Variants in AFG1L observed in about 807,000 individuals in gnomAD.
The protein encoded by AFG1L is AFG1-like ATPase.
A neutral mutation model predicts 62.2 loss-of-function variants in AFG1L; 53 were observed. That is an observed-to-expected ratio of 0.85 (90% CI 0.68 to 1.07). AFG1L has a LOEUF of 1.07. Ranked by LOEUF, AFG1L falls within the 50% of genes least tolerant of loss-of-function variation. The pLI, the probability that AFG1L is intolerant of heterozygous loss-of-function variation, is 0.00. For synonymous variants in AFG1L, 228 were observed against 210.3 expected (o/e 1.08, Z -0.73); for missense variants, 555 against 590.5 (o/e 0.94, Z 0.62).
At chr6:108,421,537 T>C (rs1480551495) in intron 7 of AFG1L, among the ~76,000 whole-genome samples, 1 of 152,148 alleles carries the variant, frequency 6.6e-6, no homozygotes, top group African/African-American at 2.4e-5. Context: ...TCCTTTGATG[T>C]AGGAAGAGTC....
At chr6:108,360,730 A>T (rs2114478159) in intron 5 of AFG1L, among the ~76,000 whole-genome samples, 1 of 152,262 alleles carries the variant, frequency 6.6e-6, no homozygotes, top group East Asian at 1.9e-4. Flanking sequence ...TGCTAGTTTC[A>T]GTATCCTGAA....
Position 108,366,320 on chromosome 6 carries a change from A to G in AFG1L, c.736A>G (p.Arg246Gly). The G allele has an allele frequency of 6.2e-7, 1 of 1,609,994 alleles. No individual in the cohort carries two copies. The highest frequency in any genetic ancestry group is 1.7e-5 in the Admixed American group (1 of 59,912). ...NGVVVVATSN[R>G]PPEDLYKNGL... ...GGTCGTCGTTGTGGCAACATCCAACAGGCCACCGGAAGGTAAAAACAAACA... is the reference window on the plus strand; with the variant it reads ...GGTCGTCGTTGTGGCAACATCCAACGGGCCACCGGAAGGTAAAAACAAACA... Residue 246 changes from arginine to glycine, a missense_variant, in exon 6 of 13, where the codon AGG becomes GGG. By Grantham distance (125) the Arg-to-Gly change is moderately radical. Coordinates refer to ENST00000368977, the MANE Select transcript of AFG1L (RefSeq NM_145315.5).
intron 8 of AFG1L, among the ~76,000 whole-genome samples, chr6:108,448,707 T>G (rs1400268221): frequency 6.6e-6 from 1 of 152,110 alleles, no homozygotes; most frequent in Non-Finnish European, 1.5e-5. Context: ...CTTTTCCTGA[T>G]AAAAGTAATA....
At chr6:108,450,066 G>A (rs529541405) in intron 8 of AFG1L, among the ~76,000 whole-genome samples, 46 of 152,196 alleles carry the variant, frequency 3.0e-4, no homozygotes, top group Non-Finnish European at 6.5e-4. Context: ...AAACATACGT[G>A]TGCATGTGTC....
chr6:108,370,123 A>C (rs1428495262), intron 6 of AFG1L, among the ~76,000 whole-genome samples: 1 of 43,024 alleles, frequency 2.3e-5, no homozygotes, highest in Non-Finnish European at 4.7e-5. Flanking sequence ...AGAAGGATGC[A>C]GTAAGGTACA....
At chr6:108,485,209 C>T (rs533670633) in intron 10 of AFG1L, among the ~76,000 whole-genome samples, 3 of 152,160 alleles carry the variant, frequency 2.0e-5, no homozygotes, top group Non-Finnish European at 4.4e-5. Context: ...CAGGGCTGCA[C>T]ATTTTAAGCT....
intron 11 of AFG1L, among the ~76,000 whole-genome samples, chr6:108,517,321 C>T (rs1188751247): frequency 6.6e-6 from 1 of 152,154 alleles, no homozygotes; most frequent in Non-Finnish European, 1.5e-5. Flanking sequence ...ACCAATGGAA[C>T]AGAACAGAGC....
intron 12 of AFG1L, 106 bp from the exon 13 acceptor site, chr6:108,522,191 C>A: frequency 1.1e-6 from 1 of 940,878 alleles, no homozygotes; most frequent in Non-Finnish European, 1.6e-6. Context: ...TAAAAAAAGG[C>A]ATAATCTAAA....
At chr6:108,330,175 C>G (rs1201459219) in intron 2 of AFG1L, among the ~76,000 whole-genome samples, 1 of 123,224 alleles carries the variant, frequency 8.1e-6, no homozygotes, top group East Asian at 2.5e-4. Context: ...AAATAAATTC[C>G]TTTTTTATTT....
intron 8 of AFG1L, among the ~76,000 whole-genome samples, chr6:108,475,040 T>G (rs1473318672): frequency 1.3e-5 from 2 of 152,248 alleles, no homozygotes; most frequent in African/African-American, 2.4e-5. Flanking sequence ...TTTAAGCCTT[T>G]AATCCATCTT....
intron 2 of AFG1L, among the ~76,000 whole-genome samples, chr6:108,342,434 G>T (rs1778715916): frequency 6.6e-6 from 1 of 152,308 alleles, no homozygotes; most frequent in South Asian, 2.1e-4. Flanking sequence ...GCATTAAGTT[G>T]TGAGAAAATG....
At chr6:108,400,672 T>C (rs1781533606) in intron 6 of AFG1L, among the ~76,000 whole-genome samples, 2 of 103,032 alleles carry the variant, frequency 1.9e-5, no homozygotes, top group Non-Finnish European at 3.7e-5. Context: ...ATAATTTATA[T>C]ATTATATATT....
At chr6:108,403,552 T>A (rs1292143875) in intron 7 of AFG1L, among the ~76,000 whole-genome samples, 2 of 152,166 alleles carry the variant, frequency 1.3e-5, no homozygotes, top group African/African-American at 4.8e-5. Context: ...TAGTAATTTT[T>A]TTCCCTTTAT....
At chr6:108,307,679 T>C (rs548005440) in intron 1 of AFG1L, among the ~76,000 whole-genome samples, 1 of 152,358 alleles carries the variant, frequency 6.6e-6, no homozygotes, top group East Asian at 1.9e-4. Context: ...ATATGTATGC[T>C]TTCTGTTGGG....
At chr6:108,318,881 C>T (rs1777706482) in intron 1 of AFG1L, among the ~76,000 whole-genome samples, 1 of 152,156 alleles carries the variant, frequency 6.6e-6, no homozygotes, top group Non-Finnish European at 1.5e-5. Flanking sequence ...AATTTGTGTA[C>T]ACTGATGTAG....
chr6:108,368,301 A>T (rs1032279681), intron 6 of AFG1L, among the ~76,000 whole-genome samples: 1 of 152,100 alleles, frequency 6.6e-6, no homozygotes, highest in South Asian at 2.1e-4. Flanking sequence ...TCATATTTCT[A>T]TGTCTTTAGC....
chr6:108,335,450 T>C (rs1164421289), intron 2 of AFG1L, among the ~76,000 whole-genome samples: 1 of 152,188 alleles, frequency 6.6e-6, no homozygotes, highest in Admixed American at 6.5e-5. Flanking sequence ...GTGTCTCCAT[T>C]GTGTGCCTAT....
chr6:108,312,304 G>A (rs1053561720), intron 1 of AFG1L, among the ~76,000 whole-genome samples: 3 of 152,128 alleles, frequency 2.0e-5, no homozygotes, highest in African/African-American at 7.2e-5. Flanking sequence ...TTTGGGAGCC[G>A]GAGGCAGGAG....
chr6:108,501,589 T>A (rs1774203944), intron 10 of AFG1L, among the ~76,000 whole-genome samples: 1 of 152,170 alleles, frequency 6.6e-6, no homozygotes, highest in African/African-American at 2.4e-5. Context: ...GGACTCAGAC[T>A]TCATCTCTCC....
Sources: gnomAD v4.1 joint callset for allele counts (sites outside exome capture counted in the v4.1 genomes callset) on GRCh38, gnomAD v4.1.1 for gene constraint, MANE v1.5 for transcripts, NCBI Gene and HGNC (gene_info 2026-07-23, HGNC 2026-07-21) for gene names.